ADGRL3: variants seen among roughly 807,000 people sequenced by gnomAD.
The protein encoded by ADGRL3 is calcium-independent alpha-latrotoxin receptor 3.
ADGRL3 carries 62 observed loss-of-function variants against 153.5 expected under a neutral mutation model. The observed-to-expected ratio is 0.40, with a 90% CI of 0.33 to 0.50. ADGRL3 has a LOEUF of 0.50. Among genes scored for constraint, ADGRL3 ranks in the 20% least tolerant of loss-of-function variants. The probability of loss-of-function intolerance (pLI) is 0.47; values close to 1 mark genes in which losing one functional copy is unlikely to be tolerated. For synonymous variants in ADGRL3, 710 were observed against 672.5 expected (o/e 1.06, Z -0.86); for missense variants, 1,641 against 1,859.4 (o/e 0.88, Z 2.16).
chr4:61,422,006 G>T (rs916876791), intron 2 of ADGRL3, among the ~76,000 whole-genome samples: 15 of 152,146 alleles, frequency 9.9e-5, no homozygotes, highest in African/African-American at 3.6e-4. Context: ...ACCACAAGTT[G>T]TGTGAACCGT....
At chr4:61,794,494 A>G (rs1441048129) in intron 8 of ADGRL3, among the ~76,000 whole-genome samples, 1 of 152,238 alleles carries the variant, frequency 6.6e-6, no homozygotes, top group East Asian at 1.9e-4. Flanking sequence ...AGAAGAAAAC[A>G]CCTGTCTCTT....
intron 2 of ADGRL3, among the ~76,000 whole-genome samples, chr4:61,477,023 GA>G (rs955370072): frequency 6.6e-6 from 1 of 151,686 alleles, no homozygotes; most frequent in African/African-American, 2.4e-5. Context: ...AGAAATAAAT[GA>G]AAAAATATTT....
intron 6 of ADGRL3, among the ~76,000 whole-genome samples, chr4:61,695,378 A>C (rs1290070833): frequency 6.6e-6 from 1 of 152,200 alleles, no homozygotes; most frequent in Non-Finnish European, 1.5e-5. Context: ...TCAGAGGTTT[A>C]AGGTGACTAG....
intron 8 of ADGRL3, among the ~76,000 whole-genome samples, chr4:61,770,128 A>G (rs1368955721): frequency 6.6e-6 from 1 of 152,202 alleles, no homozygotes; most frequent in Non-Finnish European, 1.5e-5. Flanking sequence ...GTATTAGTAA[A>G]AAATTACTGG....
chr4:61,429,523 G>T (rs559657270), intron 2 of ADGRL3, among the ~76,000 whole-genome samples: 1 of 152,190 alleles, frequency 6.6e-6, no homozygotes, highest in African/African-American at 2.4e-5. Flanking sequence ...AATTGAATTG[G>T]AATTAACCCC....
rs1490645708 is a variant in ADGRL3 at position 61,603,645 on chromosome 4, T to G, written c.473+16205T>G. Among the ~76,000 whole-genome samples, 4 of 152,172 alleles carry G rather than the reference T, an allele frequency of 2.6e-5. No individual in the cohort carries two copies. In the East Asian group the frequency reaches 7.7e-4, roughly 29 times the overall value. ...CACTTATATCTCAGCACTTAGAATA[T>G]TTTCAGTAAGAAAAAATGAACAAGG... On this transcript the variant is annotated intron_variant, in intron 5 of 26. Coordinates refer to ENST00000683033, the MANE Select transcript of ADGRL3 (RefSeq NM_001387552.1).
At chr4:61,450,074 A>C (rs1306226879) in intron 2 of ADGRL3, among the ~76,000 whole-genome samples, 1 of 152,178 alleles carries the variant, frequency 6.6e-6, no homozygotes, top group Admixed American at 6.5e-5. Flanking sequence ...TGAAAACCCA[A>C]ATGGATTTGT....
In ADGRL3 at chr4:61,343,600, G is replaced by T. The variant is rs925063813; in HGVS notation, c.-239-39524G>T. Among the ~76,000 whole-genome samples the T allele has an allele frequency of 3.3e-5, 5 of 151,974 alleles. No individual in the cohort carries two copies. In the East Asian group the frequency reaches 9.7e-4, roughly 29 times the overall value. Reference sequence around the variant, plus strand: ...AAATAAACTGTGGTGTTTGGACTAGGGCATCATATTCTAAAACATAATAGA... The same window carrying T: ...AAATAAACTGTGGTGTTTGGACTAGTGCATCATATTCTAAAACATAATAGA... On this transcript the variant is annotated intron_variant, in intron 1 of 26. Transcript: ENST00000683033.
chr4:61,258,864 A>G (rs1360491079), intron 1 of ADGRL3, among the ~76,000 whole-genome samples: 1 of 152,240 alleles, frequency 6.6e-6, no homozygotes, highest in African/African-American at 2.4e-5. Flanking sequence ...AGGAAGTATA[A>G]GTAGATAATA....
chr4:61,650,314 G>A (rs972711183), intron 5 of ADGRL3, among the ~76,000 whole-genome samples: 7 of 151,982 alleles, frequency 4.6e-5, no homozygotes, highest in Admixed American at 1.3e-4. Flanking sequence ...AATATTTACT[G>A]TATTACTTTT....
intron 8 of ADGRL3, among the ~76,000 whole-genome samples, chr4:61,760,968 A>G (rs2096905713): frequency 6.6e-6 from 1 of 152,320 alleles, no homozygotes; most frequent in African/African-American, 2.4e-5. Context: ...AAGCCAGTGA[A>G]CCAGGAGTGC....
chr4:61,890,858 C>T (rs911896322), intron 9 of ADGRL3, among the ~76,000 whole-genome samples: 2 of 152,054 alleles, frequency 1.3e-5, no homozygotes, highest in African/African-American at 2.4e-5. Flanking sequence ...TTTTTTTAAG[C>T]TAATACTATG....
At position 61,644,535 on chromosome 4, in the gene ADGRL3, C is replaced by A. The variant is rs183909604; in HGVS notation, c.474-32291C>A. ...AACATCTTTATTTCTGCCTTCATTT[C>A]TTTATGTACCCAGTAGTCATTCAGG... On this transcript the variant is annotated intron_variant, in intron 5 of 26. Transcript: ENST00000683033. Among the ~76,000 whole-genome samples the A allele has an allele frequency of 1.8e-3, 278 of 152,236 alleles. 2 individuals are homozygous for A. Among genetic ancestry groups the A allele is most frequent in the African/African-American group, 6.2e-3 (259 of 41,534 alleles).
chr4:61,470,592 G>A (rs1434735911), intron 2 of ADGRL3, among the ~76,000 whole-genome samples: 1 of 151,668 alleles, frequency 6.6e-6, no homozygotes, highest in Non-Finnish European at 1.5e-5. Flanking sequence ...ATAAATATAT[G>A]CTGCAGGAAA....
At chr4:62,031,829 A>T (rs1722208240) in intron 23 of ADGRL3, among the ~76,000 whole-genome samples, 1 of 151,586 alleles carries the variant, frequency 6.6e-6, no homozygotes, top group Non-Finnish European at 1.5e-5. Flanking sequence ...TTCTGATTTA[A>T]ACAGTGAACA....
chr4:61,555,562 G>C (rs1266516168), intron 4 of ADGRL3, among the ~76,000 whole-genome samples: 2 of 152,130 alleles, frequency 1.3e-5, no homozygotes, highest in Non-Finnish European at 2.9e-5. Context: ...AAAATAGCCT[G>C]CCCTCATGGG....
rs78240200 is a variant in ADGRL3, at chr4:61,396,488, G to A, written c.-174+13299G>A. Among the ~76,000 whole-genome samples the A allele has an allele frequency of 1.1e-4, 16 of 151,968 alleles. No individual in the cohort carries two copies. In the East Asian group the frequency reaches 3.1e-3, roughly 29 times the overall value. On this transcript the variant is annotated intron_variant, in intron 2 of 26. Coordinates refer to ENST00000683033, the MANE Select transcript of ADGRL3 (RefSeq NM_001387552.1). Reference sequence around the variant, plus strand: ...TTTGTGATGTTAATCAGTAAGGAGAGATTCTTACTTGGTTTACATTGGCTG... The same window carrying A: ...TTTGTGATGTTAATCAGTAAGGAGAAATTCTTACTTGGTTTACATTGGCTG...
intron 2 of ADGRL3, among the ~76,000 whole-genome samples, chr4:61,435,932 T>C (rs1370696986): frequency 1.3e-5 from 2 of 152,098 alleles, no homozygotes; most frequent in African/African-American, 4.8e-5. Flanking sequence ...GTGATCATTT[T>C]TGTAGTAGTC....
intron 24 of ADGRL3, among the ~76,000 whole-genome samples, chr4:62,040,997 G>A (rs1340472724): frequency 2.6e-5 from 4 of 151,990 alleles, no homozygotes; most frequent in African/African-American, 4.8e-5. Context: ...GCCAAAGTAG[G>A]TTAGAGGGAG....
Sources: gnomAD v4.1 joint callset for allele counts (sites outside exome capture counted in the v4.1 genomes callset) on GRCh38, gnomAD v4.1.1 for gene constraint, MANE v1.5 for transcripts, NCBI Gene and HGNC (gene_info 2026-07-23, HGNC 2026-07-21) for gene names.